Variants in TMEM117 observed in about 807,000 individuals in gnomAD.
The protein encoded by TMEM117 is transmembrane protein 117.
TMEM117 carries 27 observed loss-of-function variants against 52.4 expected under a neutral mutation model. The ratio of observed to expected loss-of-function variants is 0.51; its 90% CI spans 0.38 to 0.71. TMEM117 has a LOEUF of 0.71. Ranked by LOEUF, TMEM117 falls within the 30% of genes least tolerant of loss-of-function variation. TMEM117 has a pLI of 0.00. For synonymous variants in TMEM117, 215 were observed against 206.3 expected (o/e 1.04, Z -0.36); for missense variants, 556 against 630.5 (o/e 0.88, Z 1.26).
chr12:44,005,999 T>C (rs1028069295), intron 3 of TMEM117, among the ~76,000 whole-genome samples: 6 of 152,180 alleles, frequency 3.9e-5, no homozygotes, highest in African/African-American at 1.4e-4. Flanking sequence ...CTTTTTTTCC[T>C]ATATAAATTA....
At chr12:44,261,506 G>C (rs1025338065) in intron 5 of TMEM117, among the ~76,000 whole-genome samples, 1 of 152,030 alleles carries the variant, frequency 6.6e-6, no homozygotes, top group Non-Finnish European at 1.5e-5. Context: ...GGCTGTCTTG[G>C]TACTGCTTTG....
chr12:44,025,448 A>G (rs939836879), intron 3 of TMEM117, among the ~76,000 whole-genome samples: 3 of 152,198 alleles, frequency 2.0e-5, no homozygotes, highest in African/African-American at 7.2e-5. Flanking sequence ...AATAAACTCT[A>G]TAGGTTAATG....
intron 3 of TMEM117, among the ~76,000 whole-genome samples, chr12:44,101,120 C>A (rs1362902485): frequency 1.3e-5 from 2 of 151,792 alleles, no homozygotes; most frequent in African/African-American, 4.8e-5. Flanking sequence ...GCACTAATCC[C>A]ATTCAGGAGA....
intron 3 of TMEM117, among the ~76,000 whole-genome samples, chr12:44,105,115 AC>A (rs1160896753): frequency 6.7e-6 from 1 of 149,294 alleles, no homozygotes; most frequent in African/African-American, 2.5e-5. Flanking sequence ...CTTACATTAC[AC>A]CTTTTATAGT....
intron 7 of TMEM117, 55 bp downstream of exon 7, chr12:44,376,779 T>A: frequency 6.6e-7 from 1 of 1,519,946 alleles, no homozygotes; most frequent in Non-Finnish European, 8.8e-7. Flanking sequence ...GTTAGGGTAA[T>A]GCTAGTTGCT....
chr12:44,087,940 T>A (rs1947599903), intron 3 of TMEM117, among the ~76,000 whole-genome samples: 1 of 152,230 alleles, frequency 6.6e-6, no homozygotes, highest in African/African-American at 2.4e-5. Context: ...AACTTTTTGA[T>A]ATCAGAAGTC....
intron 3 of TMEM117, among the ~76,000 whole-genome samples, chr12:44,050,583 C>T (rs926086876): frequency 6.6e-6 from 1 of 152,154 alleles, no homozygotes; most frequent in Non-Finnish European, 1.5e-5. Flanking sequence ...TCAGCTCTCT[C>T]GACTCTGCCT....
chr12:43,941,954 A>G (rs1945051103), intron 2 of TMEM117, among the ~76,000 whole-genome samples: 1 of 152,252 alleles, frequency 6.6e-6, no homozygotes, highest in Non-Finnish European at 1.5e-5. Context: ...GACTCTTAAC[A>G]TACATTTGCT....
chr12:44,371,229 T>C (rs1951859799), intron 6 of TMEM117, among the ~76,000 whole-genome samples: 1 of 152,166 alleles, frequency 6.6e-6, no homozygotes, highest in Admixed American at 6.5e-5. Flanking sequence ...GGGAAGTTTT[T>C]GGTAGAATGA....
the TMEM117 span, among the ~76,000 whole-genome samples, chr12:43,803,330 G>A: frequency 6.6e-6 from 1 of 152,106 alleles, no homozygotes; most frequent in Non-Finnish European, 1.5e-5. Flanking sequence ...CCCAATTGTA[G>A]TTGCCCCAGG....
At chr12:43,889,742 A>G (rs1305146982) in intron 2 of TMEM117, among the ~76,000 whole-genome samples, 1 of 152,216 alleles carries the variant, frequency 6.6e-6, no homozygotes, top group Non-Finnish European at 1.5e-5. Flanking sequence ...ACTATGAAAA[A>G]AGCAAGACAT....
chr12:43,909,685 G>C (rs1944459948), intron 2 of TMEM117, among the ~76,000 whole-genome samples: 1 of 151,970 alleles, frequency 6.6e-6, no homozygotes, highest in Admixed American at 6.6e-5. Context: ...CCACAGAAAT[G>C]CAAACTACCA....
chr12:44,311,729 A>ATATATATATG (rs1565700985), intron 6 of TMEM117, among the ~76,000 whole-genome samples: 4 of 129,530 alleles, frequency 3.1e-5, no homozygotes, highest in African/African-American at 1.5e-4. Context: ...ATATATATGT[A>ATATATATATG]TATATATATG....
At chr12:44,348,104 A>G (rs1254980165) in intron 6 of TMEM117, among the ~76,000 whole-genome samples, 2 of 152,052 alleles carry the variant, frequency 1.3e-5, no homozygotes, top group Non-Finnish European at 2.9e-5. Flanking sequence ...TTTCTCTTCA[A>G]GAGGATGTGA....
At chr12:43,815,240 A>G in the TMEM117 span, among the ~76,000 whole-genome samples, 1 of 152,192 alleles carries the variant, frequency 6.6e-6, no homozygotes, top group African/African-American at 2.4e-5. Context: ...TCTTGTTATT[A>G]TATTATTGGT....
At chr12:43,847,767 CAG>C (rs760369770) in intron 2 of TMEM117, among the ~76,000 whole-genome samples, 2 of 152,058 alleles carry the variant, frequency 1.3e-5, no homozygotes, top group Non-Finnish European at 2.9e-5. Flanking sequence ...ATTTGATTGA[CAG>C]GGGGTTGTGG....
At chr12:44,132,170 C>T (rs541143812) in intron 3 of TMEM117, among the ~76,000 whole-genome samples, 18 of 144,418 alleles carry the variant, frequency 1.2e-4, no homozygotes, top group African/African-American at 2.6e-4. Flanking sequence ...CTTTTTTAAG[C>T]GGGAGGGGCT....
chr12:43,822,352 G>A, the TMEM117 span, among the ~76,000 whole-genome samples: 17 of 152,030 alleles, frequency 1.1e-4, no homozygotes, highest in East Asian at 1.9e-4. Context: ...AAGTAAATTC[G>A]TATCATTTAT....
chr12:44,120,461 C>A (rs1948215128), intron 3 of TMEM117, among the ~76,000 whole-genome samples: 1 of 152,056 alleles, frequency 6.6e-6, no homozygotes, highest in Admixed American at 6.6e-5. Context: ...TATTCTTCTG[C>A]CCATTTTAAG....
Sources: gnomAD v4.1 joint callset for allele counts (sites outside exome capture counted in the v4.1 genomes callset) on GRCh38, gnomAD v4.1.1 for gene constraint, MANE v1.5 for transcripts, NCBI Gene and HGNC (gene_info 2026-07-23, HGNC 2026-07-21) for gene names.